CNPY1: variants seen among roughly 807,000 people sequenced by gnomAD.
CNPY1 encodes protein canopy homolog 1.
A neutral mutation model predicts 14.4 loss-of-function variants in CNPY1; 14 were observed. The ratio of observed to expected loss-of-function variants is 0.97; its 90% confidence interval spans 0.64 to 1.52. CNPY1 has a LOEUF of 1.52. Among genes scored for constraint, CNPY1 ranks in the 40% most tolerant of loss-of-function variants. CNPY1 has a pLI of 0.00. For missense variants in CNPY1, 129 were observed against 131.5 expected (o/e 0.98, Z 0.09); for synonymous variants, 43 against 46.5 (o/e 0.92, Z 0.31).
At chr7:155,516,395 A>C (rs1796622904) in intron 2 of CNPY1, among the ~76,000 whole-genome samples, 1 of 152,220 alleles carries the variant, frequency 6.6e-6, no homozygotes, top group South Asian at 2.1e-4. Context: ...GGAGAGGATG[A>C]GAGTTTTTAA....
At chr7:155,522,258 C>T (rs951135738) in intron 2 of CNPY1, among the ~76,000 whole-genome samples, 10 of 152,254 alleles carry the variant, frequency 6.6e-5, no homozygotes, top group African/African-American at 2.4e-4. Flanking sequence ...GTATCGCTAC[C>T]GCATGTTGTA....
At chr7:155,538,684 G>A (rs1797051491) in intron 2 of CNPY1, among the ~76,000 whole-genome samples, 1 of 152,176 alleles carries the variant, frequency 6.6e-6, no homozygotes, top group African/African-American at 2.4e-5. Flanking sequence ...TGGGGGCTGG[G>A]GGTGGGAGAT....
intron 2 of CNPY1, among the ~76,000 whole-genome samples, chr7:155,542,944 C>T (rs1330317447): frequency 3.3e-5 from 5 of 152,174 alleles, no homozygotes; most frequent in African/African-American, 7.2e-5. Context: ...GGACACAGGC[C>T]GCTTTGCACA....
At chr7:155,512,849 A>G (rs1344780168) in intron 2 of CNPY1, among the ~76,000 whole-genome samples, 1 of 152,248 alleles carries the variant, frequency 6.6e-6, no homozygotes, top group East Asian at 1.9e-4. Flanking sequence ...AGTGACTGAT[A>G]ATTAATTTCA....
intron 2 of CNPY1, among the ~76,000 whole-genome samples, chr7:155,539,088 T>C (rs1244937878): frequency 3.5e-5 from 5 of 143,774 alleles, no homozygotes; most frequent in South Asian, 5.0e-4. Flanking sequence ...CCTTGGTCCA[T>C]AGAAAGCGTA....
intron 2 of CNPY1, among the ~76,000 whole-genome samples, chr7:155,521,108 C>A (rs1418775990): frequency 2.1e-5 from 3 of 145,082 alleles, no homozygotes; most frequent in Non-Finnish European, 4.7e-5. Context: ...GGAAGGAAGG[C>A]TGGCTCCCCT....
At chr7:155,504,054 G>C (rs1796211495) in intron 4 of CNPY1, among the ~76,000 whole-genome samples, 1 of 152,070 alleles carries the variant, frequency 6.6e-6, no homozygotes, top group African/African-American at 2.4e-5. Context: ...TATTCCACCA[G>C]GAACATCTAA....
At chr7:155,506,989 C>A in intron 4 of CNPY1, 31 bp downstream of exon 4, 1 of 1,395,088 alleles carries the variant, frequency 7.2e-7, no homozygotes. Flanking sequence ...GGTGTGCGAG[C>A]AGCGAGCACA....
At chr7:155,508,290 G>A (rs774090548) in intron 3 of CNPY1, among the ~76,000 whole-genome samples, 3 of 152,222 alleles carry the variant, frequency 2.0e-5, no homozygotes, top group Non-Finnish European at 4.4e-5. Flanking sequence ...TTTGGCATCA[G>A]GCTAACTATC....
At position 155,507,471 on chromosome 7, in the gene CNPY1, T is replaced by TAAAAAAAAAAAAAA. The variant is rs35711313; in HGVS notation, c.304-369_304-356dup. Among the ~76,000 whole-genome samples, 183 of 54,128 alleles carry TAAAAAAAAAAAAAA rather than the reference T, an allele frequency of 3.4e-3. 26 individuals are homozygous for TAAAAAAAAAAAAAA. Among genetic ancestry groups the TAAAAAAAAAAAAAA allele is most frequent in the African/African-American group, 0.017 (172 of 10,094 alleles). 35.5% of individuals were successfully genotyped at this position (54,128 alleles called of 152,430 possible). ...CTGAAAAGTCCAACGGTTTTTAAAC[T>TAAAAAAAAAAAAAA]AAAAAAAAAAAAAAAAAAAAAAAAA... On this transcript the variant is annotated intron_variant, in intron 3 of 4. Transcript: ENST00000636446.
At position 155,537,821 on chromosome 7, in the gene CNPY1, A is replaced by G. The variant is rs533651810; in HGVS notation, c.99+8010T>C. Among the ~76,000 whole-genome samples, 5 of 152,288 alleles carry G rather than the reference A, an allele frequency of 3.3e-5. No individual in the cohort carries two copies. The East Asian group carries it at 9.6e-4, about 29-fold the overall frequency. On this transcript the variant is annotated intron_variant, in intron 2 of 4. Transcript: ENST00000636446. ...TACTTTTTAGAATAGGAATTTCTAC[A>G]TTATCATGGAATTCTTTTGATTTCT... is the stretch of plus-strand genomic sequence containing the variant.
chr7:155,518,203 C>T (rs1024365850), intron 2 of CNPY1: 7 of 152,520 alleles, frequency 4.6e-5, no homozygotes, highest in South Asian at 2.1e-4. Flanking sequence ...GCATGGCTTC[C>T]GTGGGAGCTC....
intron 2 of CNPY1, among the ~76,000 whole-genome samples, chr7:155,516,601 G>A (rs1337679628): frequency 6.6e-6 from 1 of 152,208 alleles, no homozygotes; most frequent in African/African-American, 2.4e-5. Flanking sequence ...ACAGAAGACT[G>A]CGACCCCAGC....
chr7:155,518,987 T>C (rs1302604268), intron 2 of CNPY1, among the ~76,000 whole-genome samples: 3 of 152,230 alleles, frequency 2.0e-5, no homozygotes. Flanking sequence ...TGGGTTTCAA[T>C]GCTTAACACA....
At chr7:155,515,272 C>A (rs1796595159) in intron 2 of CNPY1, among the ~76,000 whole-genome samples, 1 of 150,730 alleles carries the variant, frequency 6.6e-6, no homozygotes, top group South Asian at 2.1e-4. Context: ...GGCCTCCACA[C>A]CCTGGTCCTG....
rs533480769 is a variant in CNPY1, at chr7:155,522,491, C to T, written c.100-13394G>A. ...GCTCCAGTTCCTACCCTGAGGTTGG[C>T]GGCCCACCCCACTTCAGAGAGGAGG... On this transcript the variant is annotated intron_variant, in intron 2 of 4. Coordinates refer to ENST00000636446, the MANE Select transcript of CNPY1 (RefSeq NM_001393663.1). Among the ~76,000 whole-genome samples, 21 of 152,352 alleles carry T rather than the reference C, an allele frequency of 1.4e-4. No homozygotes were observed. The South Asian group carries it at 1.9e-3, about 14-fold the overall frequency.
intron 2 of CNPY1, among the ~76,000 whole-genome samples, chr7:155,535,541 A>G (rs1455332427): frequency 1.3e-5 from 2 of 152,204 alleles, no homozygotes; most frequent in African/African-American, 4.8e-5. Context: ...TTACCAAAGG[A>G]CATGAAGGAA....
intron 2 of CNPY1, among the ~76,000 whole-genome samples, chr7:155,527,051 TTTC>T (rs1295999838): frequency 4.4e-5 from 3 of 68,452 alleles, no homozygotes; most frequent in African/African-American, 1.2e-4. Context: ...TCTTTCTTTC[TTTC>T]TTTTTTTTTT....
chr7:155,517,774 C>G, intron 2 of CNPY1, among the ~76,000 whole-genome samples: 1 of 152,134 alleles, frequency 6.6e-6, no homozygotes, highest in East Asian at 1.9e-4. Context: ...AGCCACACAT[C>G]TTCTTGTCTT....
Sources: allele counts gnomAD v4.1 joint callset (sites outside exome capture counted in the v4.1 genomes callset), GRCh38; gene constraint gnomAD v4.1.1; transcripts MANE v1.5; gene names NCBI Gene and HGNC (gene_info 2026-07-23, HGNC 2026-07-21).